OR9Q1: variants seen among roughly 807,000 people sequenced by gnomAD.
OR9Q1 encodes the protein olfactory receptor family 9 subfamily Q member 1.
For synonymous variants in OR9Q1, 153 were observed against 148.6 expected (o/e 1.03, Z -0.22); for missense variants, 374 against 378.8 (o/e 0.99, Z 0.11).
At chr11:58,067,032 A>G (rs903222712) in intron 2 of OR9Q1, among the ~76,000 whole-genome samples, 1 of 68,594 alleles carries the variant, frequency 1.5e-5, no homozygotes. Context: ...TTTGGCTTGA[A>G]TTCTTTTTTT....
chr11:58,126,354 G>A (rs751690671), intron 2 of OR9Q1, among the ~76,000 whole-genome samples: 1 of 152,104 alleles, frequency 6.6e-6, no homozygotes, highest in Admixed American at 6.6e-5. Flanking sequence ...TAATAACTTG[G>A]TTCCTGATTC....
chr11:58,136,612 G>A (rs904476734), intron 2 of OR9Q1, among the ~76,000 whole-genome samples: 2 of 152,132 alleles, frequency 1.3e-5, no homozygotes, highest in Non-Finnish European at 2.9e-5. Flanking sequence ...ACCAGTCTAC[G>A]AATTTAGGCG....
At chr11:58,129,477 A>G (rs1854120275) in intron 2 of OR9Q1, among the ~76,000 whole-genome samples, 1 of 151,924 alleles carries the variant, frequency 6.6e-6, no homozygotes, top group African/African-American at 2.4e-5. Flanking sequence ...TTGCACTTAG[A>G]CTCAAACCTG....
intron 2 of OR9Q1, among the ~76,000 whole-genome samples, chr11:58,059,483 G>A (rs1382693024): frequency 6.6e-6 from 1 of 151,872 alleles, no homozygotes; most frequent in African/African-American, 2.4e-5. Context: ...ATCAATTGAG[G>A]TCAGGAGTTC....
intron 2 of OR9Q1, among the ~76,000 whole-genome samples, chr11:58,101,474 A>G (rs1000372539): frequency 5.3e-5 from 8 of 152,050 alleles, no homozygotes; most frequent in African/African-American, 1.9e-4. Flanking sequence ...TCACTTTTTG[A>G]TGAGATTATT....
intron 2 of OR9Q1, among the ~76,000 whole-genome samples, chr11:58,175,363 C>A (rs1471542346): frequency 1.3e-5 from 2 of 152,010 alleles, no homozygotes; most frequent in East Asian, 3.9e-4. Flanking sequence ...TATGTGCTGA[C>A]CCCCTTTCCT....
chr11:58,173,435 T>A (rs536082804), intron 2 of OR9Q1, among the ~76,000 whole-genome samples: 20 of 151,828 alleles, frequency 1.3e-4, no homozygotes, highest in Non-Finnish European at 2.4e-4. Context: ...TGATTTCCAG[T>A]TTCATCCATG....
chr11:58,054,096 C>A (rs905953231), intron 1 of OR9Q1, among the ~76,000 whole-genome samples: 2 of 152,070 alleles, frequency 1.3e-5, no homozygotes, highest in African/African-American at 2.4e-5. Context: ...TCACATTGTG[C>A]CCCATGAATA....
intron 2 of OR9Q1, among the ~76,000 whole-genome samples, chr11:58,079,034 T>C (rs758088640): frequency 4.6e-5 from 7 of 152,218 alleles, no homozygotes; most frequent in Non-Finnish European, 8.8e-5. Flanking sequence ...TGTTTTGTGA[T>C]AGAGAACTCG....
At chr11:58,127,321 G>A (rs1051193653) in intron 2 of OR9Q1, among the ~76,000 whole-genome samples, 3 of 152,120 alleles carry the variant, frequency 2.0e-5, no homozygotes, top group Non-Finnish European at 4.4e-5. Context: ...AAAAAGACCC[G>A]GGACAGAATT....
At chr11:58,033,768 T>TA (rs1174565579) in intron 1 of OR9Q1, among the ~76,000 whole-genome samples, 19 of 151,800 alleles carry the variant, frequency 1.3e-4, no homozygotes, top group Non-Finnish European at 1.5e-5. Context: ...AAATGGAAAT[T>TA]AAAAAAATAA....
At chr11:58,089,368 A>G (rs1853663008) in intron 2 of OR9Q1, among the ~76,000 whole-genome samples, 1 of 151,884 alleles carries the variant, frequency 6.6e-6, no homozygotes, top group East Asian at 1.9e-4. Context: ...GCATATGGCT[A>G]GCCAGTTTTC....
chr11:58,154,945 T>A (rs1195256206), intron 2 of OR9Q1, among the ~76,000 whole-genome samples: 10 of 152,210 alleles, frequency 6.6e-5, no homozygotes, highest in Non-Finnish European at 1.5e-5. Flanking sequence ...TTTAAGGTCC[T>A]GTATCAGCCA....
rs1854376407 is a variant in OR9Q1 at position 58,153,675 on chromosome 11, C to A, written c.-14-25756C>A. ...TGTCTGGATTTCTCTTTCAGCCCAG[C>A]AGTTTGCAATCTCTATCACAGATAA... On this transcript the variant is annotated intron_variant, in intron 2 of 2. Transcript: ENST00000335397. Among the ~76,000 whole-genome samples, 2 of 152,106 alleles carry A rather than the reference C, an allele frequency of 1.3e-5. 1 individual carries two copies. Among genetic ancestry groups the A allele is most frequent in the South Asian group, 4.1e-4 (2 of 4,826 alleles).
intron 2 of OR9Q1, among the ~76,000 whole-genome samples, chr11:58,112,072 G>C (rs930724301): frequency 2.0e-5 from 3 of 152,120 alleles, no homozygotes; most frequent in Non-Finnish European, 4.4e-5. Flanking sequence ...TGGATCACCT[G>C]AGGTCAGGAG....
At chr11:58,136,802 C>G (rs1355821153) in intron 2 of OR9Q1, among the ~76,000 whole-genome samples, 2 of 152,174 alleles carry the variant, frequency 1.3e-5, no homozygotes, top group Admixed American at 6.5e-5. Context: ...GAGACCCTCT[C>G]CCAATCCCCC....
At chr11:58,087,419 G>A (rs1434460996) in intron 2 of OR9Q1, among the ~76,000 whole-genome samples, 1 of 151,766 alleles carries the variant, frequency 6.6e-6, no homozygotes, top group Non-Finnish European at 1.5e-5. Flanking sequence ...TCAATGTTAT[G>A]TTAGTGAGAT....
chr11:58,161,319 T>C (rs557592806), intron 2 of OR9Q1, among the ~76,000 whole-genome samples: 1 of 151,636 alleles, frequency 6.6e-6, no homozygotes, highest in East Asian at 1.9e-4. Flanking sequence ...GGCTTAAATG[T>C]TCTACAAGGC....
intron 1 of OR9Q1, among the ~76,000 whole-genome samples, chr11:58,040,211 G>A (rs1303977890): frequency 6.6e-6 from 1 of 152,180 alleles, no homozygotes; most frequent in African/African-American, 2.4e-5. Context: ...TCTGTAAAAG[G>A]ACAGAGTGGA....
Sources: gnomAD v4.1 joint callset for allele counts (sites outside exome capture counted in the v4.1 genomes callset) on GRCh38, gnomAD v4.1.1 for gene constraint, MANE v1.5 for transcripts, NCBI Gene and HGNC (gene_info 2026-07-23, HGNC 2026-07-21) for gene names.